The following ADAMTS19 variants were observed in gnomAD, a reference collection of about 807,000 sequenced individuals.
ADAMTS19 encodes A disintegrin and metalloproteinase with thrombospondin motifs 19.
In ADAMTS19, 93 loss-of-function variants were observed where a neutral mutation model predicts 153.3. The observed-to-expected ratio is 0.61, with a 90% CI of 0.51 to 0.72. The LOEUF (loss-of-function observed/expected upper bound fraction) is 0.72, where lower values mean the gene tolerates loss of function less well. Among genes scored for constraint, ADAMTS19 ranks in the 30% least tolerant of loss-of-function variants. The probability of loss-of-function intolerance (pLI) is 0.00; values close to 1 mark genes in which losing one functional copy is unlikely to be tolerated. For missense variants in ADAMTS19, 1,482 were observed against 1,552.1 expected (o/e 0.95, Z 0.76); for synonymous variants, 600 against 556.6 (o/e 1.08, Z -1.10).
intron 2 of ADAMTS19, among the ~76,000 whole-genome samples, chr5:129,488,914 T>C (rs1750679790): frequency 6.6e-6 from 1 of 152,092 alleles, no homozygotes; most frequent in African/African-American, 2.4e-5. Context: ...TACGTTGGGA[T>C]GCTGATGTTG....
intron 6 of ADAMTS19, among the ~76,000 whole-genome samples, chr5:129,531,377 C>G (rs1291130553): frequency 6.6e-6 from 1 of 152,108 alleles, no homozygotes; most frequent in Admixed American, 6.6e-5. Flanking sequence ...GTAATCCCAG[C>G]ACTTTGGGTG....
At chr5:129,701,327 A>T in intron 19 of ADAMTS19, 61 bp from the exon 20 acceptor site, 1 of 1,563,992 alleles carries the variant, frequency 6.4e-7, no homozygotes, top group Non-Finnish European at 8.8e-7. Context: ...GTGAGAACAG[A>T]CTAATACAAG....
chr5:129,679,150 T>C (rs1754680906), intron 16 of ADAMTS19, among the ~76,000 whole-genome samples: 1 of 152,220 alleles, frequency 6.6e-6, no homozygotes, highest in African/African-American at 2.4e-5. Context: ...ATATAGATGA[T>C]TGTTGCTTGT....
intron 8 of ADAMTS19, among the ~76,000 whole-genome samples, chr5:129,615,103 C>T (rs6595918): frequency 0.67 from 101,405 of 151,766 alleles, 35,898 homozygotes; most frequent in Non-Finnish European, 0.79. Flanking sequence ...TGAAAATGGC[C>T]ATACTGCCCA....
intron 2 of ADAMTS19, among the ~76,000 whole-genome samples, chr5:129,497,831 A>G (rs530086035): frequency 6.6e-6 from 1 of 152,084 alleles, no homozygotes; most frequent in African/African-American, 2.4e-5. Context: ...AGCCACTGTG[A>G]TCTTGCACCT....
At chr5:129,679,340 A>T (rs17163139) in intron 16 of ADAMTS19, among the ~76,000 whole-genome samples, 5,558 of 152,264 alleles carry the variant, frequency 0.037, 319 homozygotes, top group African/African-American at 0.13. Context: ...CTTTAATCAC[A>T]TACTTTTCTG....
At chr5:129,595,272 G>A (rs1750320989) in intron 7 of ADAMTS19, among the ~76,000 whole-genome samples, 1 of 151,932 alleles carries the variant, frequency 6.6e-6, no homozygotes, top group South Asian at 2.1e-4. Context: ...CCTAGACCAT[G>A]TGTGCCTCAG....
rs1348715936 is a variant in ADAMTS19, at chr5:129,550,495, T to A, written c.1329-1369T>A. Among the ~76,000 whole-genome samples, 7 of 149,008 alleles carry A rather than the reference T, an allele frequency of 4.7e-5. No homozygotes were observed. In the Admixed American group the frequency reaches 4.8e-4, roughly 10 times the overall value. ...GTATATGTATGTATCTAGATATACA[T>A]ATACATGTATCTATACATATCTGTA... On this transcript the variant is annotated intron_variant, in intron 6 of 22. Coordinates refer to ENST00000274487, the MANE Select transcript of ADAMTS19 (RefSeq NM_133638.6).
intron 20 of ADAMTS19, among the ~76,000 whole-genome samples, chr5:129,702,528 G>C (rs374431278): frequency 6.6e-6 from 1 of 152,092 alleles, no homozygotes. Flanking sequence ...CTAAATGTCT[G>C]TCAATTAACC....
At chr5:129,490,607 C>T (rs1750732005) in intron 2 of ADAMTS19, among the ~76,000 whole-genome samples, 1 of 152,036 alleles carries the variant, frequency 6.6e-6, no homozygotes, top group African/African-American at 2.4e-5. Context: ...ATCTACTATC[C>T]TGCTTGTGAA....
rs1753044553 is a variant in ADAMTS19 at position 129,550,434 on chromosome 5, A to G, written c.1329-1430A>G. ...TAGATATACATATACATGTATCTGTATATGTATGTATCTAGATATACATAT... is the reference window on the plus strand; with the variant it reads ...TAGATATACATATACATGTATCTGTGTATGTATGTATCTAGATATACATAT... On this transcript the variant is annotated intron_variant, in intron 6 of 22. Transcript: ENST00000274487. Among the ~76,000 whole-genome samples, 3 of 119,032 alleles carry G rather than the reference A, an allele frequency of 2.5e-5. No individual in the cohort carries two copies. The Admixed American group carries it at 2.7e-4, about 11-fold the overall frequency. 78.1% of individuals were successfully genotyped at this position (119,032 alleles called of 152,430 possible).
At chr5:129,485,547 A>G (rs1750562224) in intron 2 of ADAMTS19, among the ~76,000 whole-genome samples, 1 of 152,118 alleles carries the variant, frequency 6.6e-6, no homozygotes, top group African/African-American at 2.4e-5. Flanking sequence ...TGAACAATAA[A>G]ACTGATAAAT....
At chr5:129,552,048 T>C (rs1212147397) in intron 7 of ADAMTS19, 141 bp downstream of exon 7, 2 of 542,392 alleles carry the variant, frequency 3.7e-6, no homozygotes, top group African/African-American at 4.0e-5. Context: ...ACCTATATGT[T>C]TAATCATTTG....
intron 10 of ADAMTS19, among the ~76,000 whole-genome samples, chr5:129,632,627 TTCA>T (rs1393557433): frequency 6.6e-6 from 1 of 152,012 alleles, no homozygotes; most frequent in Non-Finnish European, 1.5e-5. Flanking sequence ...AAATTTTCAT[TTCA>T]TCATAATTTT....
intron 2 of ADAMTS19, among the ~76,000 whole-genome samples, chr5:129,468,197 G>A (rs769584437): frequency 4.6e-5 from 7 of 152,110 alleles, no homozygotes; most frequent in Non-Finnish European, 7.4e-5. Flanking sequence ...TTGGTAATTC[G>A]GAGAGAGATT....
intron 6 of ADAMTS19, among the ~76,000 whole-genome samples, chr5:129,538,419 C>G (rs1001153991): frequency 2.6e-5 from 4 of 151,918 alleles, no homozygotes; most frequent in African/African-American, 7.2e-5. Context: ...TTTCCAATGC[C>G]ATTTTTTCTT....
In ADAMTS19 at chr5:129,679,770, G is replaced by A. The variant is rs749542479; in HGVS notation, c.2513G>A (p.Arg838Gln). ...TTTTTGAACCTCTTTATAGCTCTCC[G>A]AGATGCTGGCAAACAGTCTATTAAT... ...EKPAHSYLAL[R>Q]DAGKQSINSD... The change falls in exon 17 of 23, where the codon CGA becomes CAA. Residue 838 changes from arginine (R) to glutamine (Q), a missense_variant. This residue lies in a region of ADAMTS19 where 616 missense variants were observed against 724.4 expected (regional missense o/e 0.85). Transcript: ENST00000274487. 2.7e-5 allele frequency: 44 copies of A among 1,609,468 alleles called. No homozygotes were observed. The highest frequency in any genetic ancestry group is 2.7e-4 in the Admixed American group (16 of 59,036).
At chr5:129,519,141 G>C (rs907421618) in intron 3 of ADAMTS19, among the ~76,000 whole-genome samples, 2 of 152,084 alleles carry the variant, frequency 1.3e-5, no homozygotes, top group African/African-American at 4.8e-5. Flanking sequence ...CCTCGATGTA[G>C]TACCTGGGTG....
intron 2 of ADAMTS19, among the ~76,000 whole-genome samples, chr5:129,485,866 C>T (rs1040573689): frequency 2.6e-4 from 40 of 152,098 alleles, no homozygotes; most frequent in Admixed American, 6.6e-5. Context: ...TCTGAGCTCA[C>T]TGCAACCTCC....
Sources: gnomAD v4.1 joint callset for allele counts (sites outside exome capture counted in the v4.1 genomes callset) on GRCh38, gnomAD v4.1.1 for gene constraint, gnomAD v4.1.1 regional missense constraint, MANE v1.5 for transcripts, NCBI Gene and HGNC (gene_info 2026-07-23, HGNC 2026-07-21) for gene names.